The following PRELID2 variants were observed in gnomAD, a reference collection of about 807,000 sequenced individuals.
PRELID2 encodes PRELI domain containing 2.
Under a neutral mutation model 28.4 loss-of-function variants are expected in PRELID2, and 25 were observed. The observed-to-expected ratio is 0.88, with a 90% CI of 0.64 to 1.23. The LOEUF (loss-of-function observed/expected upper bound fraction) is 1.23. Ranked by LOEUF, PRELID2 falls within the 50% of genes most tolerant of loss-of-function variation. The probability of loss-of-function intolerance (pLI) is 0.00; values close to 1 mark genes in which losing one functional copy is unlikely to be tolerated. For missense variants in PRELID2, 201 were observed against 214.4 expected, an observed-to-expected ratio of 0.94 and a Z score of 0.39; for synonymous variants, 76 against 71.6, an observed-to-expected ratio of 1.06 and a Z score of -0.31.
At position 145,726,235 on chromosome 5, in the gene PRELID2, AGGAG is replaced by A. The variant is rs1202375766; in HGVS notation, n.70+38692_70+38695del. On this transcript the variant is annotated intron_variant and non_coding_transcript_variant, in intron 1 of 2. Coordinates refer to the PRELID2 transcript ENST00000510259. Reference sequence around the variant, plus strand: ...AGAGAAGAAAGGAAGGAAGGAAGGAAGGAGGGAGGGAGGGAGGGAGGGACGGAGG... The same window carrying A: ...AGAGAAGAAAGGAAGGAAGGAAGGAAGGAGGGAGGGAGGGAGGGACGGAGG... Among the ~76,000 whole-genome samples the A allele has an allele frequency of 1.1e-3, 104 of 91,124 alleles. 1 individual carries two copies. The highest frequency in any genetic ancestry group is 5.9e-3 in the South Asian group (12 of 2,044). The allele number at this position is 91,124 out of a possible 152,430, so 59.8% of individuals were successfully genotyped here.
At chr5:145,718,860 T>C (rs372986709) in intron 1 of PRELID2, among the ~76,000 whole-genome samples, 3 of 152,018 alleles carry the variant, frequency 2.0e-5, no homozygotes, top group East Asian at 1.9e-4. Flanking sequence ...AAAGGGCCAC[T>C]CTTGATAAGT....
chr5:145,548,301 G>A (rs1752804617), intron 1 of PRELID2, among the ~76,000 whole-genome samples: 1 of 152,030 alleles, frequency 6.6e-6, no homozygotes, highest in South Asian at 2.1e-4. Flanking sequence ...TGTTCCCTGG[G>A]CTTAATTAGT....
At chr5:145,742,155 T>TA (rs563614271) in intron 1 of PRELID2, among the ~76,000 whole-genome samples, 106,564 of 130,646 alleles carry the variant, frequency 0.82, 43,921 homozygotes, top group East Asian at 0.88. Flanking sequence ...TATTTATTTA[T>TA]TATAAATTTA....
chr5:145,623,017 T>G (rs1023237458), intron 1 of PRELID2, among the ~76,000 whole-genome samples: 1 of 152,044 alleles, frequency 6.6e-6, no homozygotes, highest in African/African-American at 2.4e-5. Context: ...TTCCACAAAT[T>G]TATCTGTATA....
intron 4 of PRELID2, among the ~76,000 whole-genome samples, chr5:145,807,295 T>A (rs1278140260): frequency 1.3e-5 from 2 of 152,218 alleles, no homozygotes; most frequent in Non-Finnish European, 2.9e-5. Context: ...AATGCTCTCT[T>A]AGCTAAACAT....
the PRELID2 span, among the ~76,000 whole-genome samples, chr5:145,355,991 A>G: frequency 6.6e-6 from 1 of 152,168 alleles, no homozygotes; most frequent in African/African-American, 2.4e-5. Context: ...AATTGAAAAG[A>G]GTAATTTCTA....
chr5:145,817,670 G>C (rs1754466261), intron 4 of PRELID2, among the ~76,000 whole-genome samples: 3 of 151,914 alleles, frequency 2.0e-5, no homozygotes, highest in Admixed American at 6.6e-5. Flanking sequence ...GGGTGAAAAA[G>C]ACAACAGGAT....
chr5:145,684,911 A>C (rs1452793348), intron 1 of PRELID2, among the ~76,000 whole-genome samples: 1 of 152,188 alleles, frequency 6.6e-6, no homozygotes, highest in Non-Finnish European at 1.5e-5. Context: ...AAAACTGAAG[A>C]TGGAAGGAGG....
the PRELID2 span, among the ~76,000 whole-genome samples, chr5:145,274,469 A>G: frequency 1.3e-5 from 2 of 152,176 alleles, no homozygotes; most frequent in South Asian, 4.1e-4. Flanking sequence ...AAGTTTTCTC[A>G]TTTGCTCATC....
chr5:145,522,109 T>C (rs1036057270), intron 1 of PRELID2, among the ~76,000 whole-genome samples: 4 of 152,194 alleles, frequency 2.6e-5, no homozygotes, highest in African/African-American at 7.2e-5. Flanking sequence ...TAAAATGTTG[T>C]CATATTTGCT....
the PRELID2 span, among the ~76,000 whole-genome samples, chr5:145,323,446 T>G: frequency 6.6e-6 from 1 of 152,174 alleles, no homozygotes; most frequent in South Asian, 2.1e-4. Flanking sequence ...CTGGCCACTG[T>G]GTAGAGAATG....
the PRELID2 span, among the ~76,000 whole-genome samples, chr5:145,368,067 T>C: frequency 5.3e-5 from 8 of 152,026 alleles, no homozygotes; most frequent in Non-Finnish European, 7.4e-5. Flanking sequence ...GTTGTCGATG[T>C]TGTCTGAAAT....
chr5:145,229,959 G>A, the PRELID2 span: 14 of 746,262 alleles, frequency 1.9e-5, no homozygotes, highest in Non-Finnish European at 3.5e-5. Context: ...CGTGCAGGGT[G>A]ATTATGAGCC....
intron 1 of PRELID2, among the ~76,000 whole-genome samples, chr5:145,646,241 T>C (rs1275841137): frequency 6.6e-6 from 1 of 152,190 alleles, no homozygotes; most frequent in Admixed American, 6.5e-5. Context: ...CTTTTCATTG[T>C]TTTTTCTCTA....
chr5:145,468,807 G>A (rs958280624), downstream of PRELID2, among the ~76,000 whole-genome samples: 3 of 152,080 alleles, frequency 2.0e-5, no homozygotes, highest in South Asian at 2.1e-4. Flanking sequence ...TGTAGATTCT[G>A]GATATTAGCC....
chr5:145,648,161 C>A (rs1257025504), intron 1 of PRELID2, among the ~76,000 whole-genome samples: 1 of 152,090 alleles, frequency 6.6e-6, no homozygotes, highest in African/African-American at 2.4e-5. Flanking sequence ...TTCAGTAAGT[C>A]CCTAAACAAA....
At chr5:145,830,909 A>G (rs1755540587) in intron 1 of PRELID2, among the ~76,000 whole-genome samples, 1 of 152,342 alleles carries the variant, frequency 6.6e-6, no homozygotes, top group East Asian at 1.9e-4. Context: ...CTAACAAACC[A>G]AAAGCCATAG....
intron 1 of PRELID2, among the ~76,000 whole-genome samples, chr5:145,700,023 G>C (rs1755370914): frequency 6.6e-6 from 1 of 152,076 alleles, no homozygotes; most frequent in African/African-American, 2.4e-5. Flanking sequence ...AGCAACCACA[G>C]ACATGGATAA....
intron 1 of PRELID2, among the ~76,000 whole-genome samples, chr5:145,616,305 G>A (rs936314539): frequency 6.6e-6 from 1 of 152,168 alleles, no homozygotes; most frequent in African/African-American, 2.4e-5. Context: ...GGCCAGGGAA[G>A]TTTTCCTCAA....
Sources: allele counts gnomAD v4.1 joint callset (sites outside exome capture counted in the v4.1 genomes callset), GRCh38; gene constraint gnomAD v4.1.1; transcripts MANE v1.5; gene names NCBI Gene and HGNC (gene_info 2026-07-23, HGNC 2026-07-21).